Variants in MYO19 observed in about 807,000 individuals in gnomAD.
MYO19 encodes the protein myosin XIX.
MYO19 carries 132 observed loss-of-function variants against 129.2 expected under a neutral mutation model. The ratio of observed to expected loss-of-function variants is 1.02; its 90% CI spans 0.89 to 1.18. MYO19 has a LOEUF of 1.18. MYO19 is among the 50% of genes most tolerant of loss of function. The pLI, the probability that MYO19 is intolerant of heterozygous loss-of-function variation, is 0.00. For missense variants in MYO19, 1,210 were observed against 1,216.7 expected, an observed-to-expected ratio of 0.99 and a Z score of 0.08; for synonymous variants, 531 against 477.2, an observed-to-expected ratio of 1.11 and a Z score of -1.47.
At chr17:36,508,137 A>T (rs2072050605) in intron 14 of MYO19, 1 of 421,616 alleles carries the variant, frequency 2.4e-6, no homozygotes. Context: ...TCCCCTGTAG[A>T]GCTCAGAGCA....
intron 25 of MYO19, among the ~76,000 whole-genome samples, chr17:36,497,259 A>C (rs12948803): frequency 0.3 from 45,128 of 150,904 alleles, 8,256 homozygotes; most frequent in Non-Finnish European, 0.41. Context: ...AATCGCTTAA[A>C]CCCACTGCAT....
In MYO19 at chr17:36,501,231, C is replaced by A; in HGVS notation, c.2085G>T (p.Trp695Cys). The A allele has an allele frequency of 6.2e-7, 1 of 1,609,960 alleles. No homozygotes were observed. The highest frequency in any genetic ancestry group is 8.5e-7 in the Non-Finnish European group (1 of 1,177,548). ...GCGTGGCTTCCTCGCTGTGTGGACA[C>A]CATTCTGGGGGAGGGAGATGGCCCC... ...SPYPAKGLPE[W>C]CPHSEEATLE... Residue 695 changes from tryptophan (W) to cysteine (C), a missense_variant, in exon 22 of 26, where the codon TGG (tryptophan) becomes TGT (cysteine). Trp to Cys is a radical substitution (Grantham distance 215). Coordinates refer to ENST00000614623, the MANE Select transcript of MYO19 (RefSeq NM_001163735.2).
chr17:36,508,964 GC>G (rs1293418864), intron 14 of MYO19, 97 bp downstream of exon 14: 1 of 1,032,258 alleles, frequency 9.7e-7, no homozygotes, highest in Non-Finnish European at 1.5e-6. Context: ...GAAAGGAACT[GC>G]CCAGAGTCAC....
chr17:36,539,701 A>G (rs1004395151), upstream of MYO19, among the ~76,000 whole-genome samples: 3 of 152,214 alleles, frequency 2.0e-5, no homozygotes, highest in African/African-American at 7.2e-5. Context: ...TTCATCTTTT[A>G]GCCTACCCTA....
intron 6 of MYO19, among the ~76,000 whole-genome samples, chr17:36,518,510 A>G (rs1422456318): frequency 1.3e-5 from 1 of 75,476 alleles, no homozygotes; most frequent in African/African-American, 5.8e-5. Context: ...AAAAAAAAAA[A>G]AAAAAAAAAA....
intron 15 of MYO19, 135 bp downstream of exon 15, chr17:36,507,668 T>C: frequency 1.6e-6 from 2 of 1,263,302 alleles, no homozygotes; most frequent in South Asian, 3.0e-5. Context: ...ATATGTGCAA[T>C]TATTATTTGT....
chr17:36,496,155 G>A lies in MYO19; in HGVS notation c.*96C>T. The A allele has an allele frequency of 4.7e-6, 7 of 1,479,234 alleles. No homozygotes were observed. The highest frequency in any genetic ancestry group is 6.5e-6 in the Non-Finnish European group (7 of 1,076,956). The allele number at this position is 1,479,234 out of a possible 1,614,324, so 91.6% of individuals were successfully genotyped here. On this transcript the variant is annotated 3_prime_UTR_variant, in exon 26 of 26. Coordinates refer to ENST00000614623, the MANE Select transcript of MYO19 (RefSeq NM_001163735.2). The stretch of plus-strand genomic sequence containing the variant: ...TCACTGTTGTTCATGTGCATTTGGA[G>A]CACTGTGGGAATAGTCTGGCAGCTG...
chr17:36,514,627 T>G, intron 8 of MYO19, 79 bp from the exon 9 acceptor site: 1 of 956,496 alleles, frequency 1.0e-6, no homozygotes. Flanking sequence ...TGTGCCAGAT[T>G]GCCTGCTACC....
At position 36,506,678 on chromosome 17, in the gene MYO19, C is replaced by G. The variant is rs894599750; in HGVS notation, c.1645-70G>C. The G allele has an allele frequency of 2.2e-5, 33 of 1,482,942 alleles. 1 individual carries two copies. The highest frequency in any genetic ancestry group is 3.0e-5 in the Non-Finnish European group (33 of 1,114,836). 91.9% of individuals were successfully genotyped at this position (1,482,942 alleles called of 1,614,324 possible). A position where few individuals can be genotyped will look rare whatever the true frequency, so the allele number is the denominator to read the frequency against. ...CTGCTCAGGGCCATCCACTGCCCAC[C>G]CAAGCCGCAGATGACGGGGCTTCCA... On this transcript the variant is annotated intron_variant, in intron 17 of 25. Transcript: ENST00000614623.
rs981861692 is a variant in MYO19, at chr17:36,532,593, T to C, written c.-55A>G. On this transcript the variant is annotated 5_prime_UTR_variant, in exon 3 of 26. It adds an upstream start codon to the 5' untranslated region. Transcript: ENST00000614623. ...GGGTTGCAGGAGGTACAAGGAGTAC[T>C]ATCCACCTAGTCATGGGACCATGGG... The C allele has an allele frequency of 1.4e-5, 22 of 1,549,132 alleles. No homozygotes were observed. Among genetic ancestry groups the C allele is most frequent in the Non-Finnish European group, 1.7e-5 (19 of 1,144,640 alleles).
intron 17 of MYO19, 39 bp from the exon 18 acceptor site, chr17:36,506,647 G>A: frequency 6.6e-7 from 1 of 1,511,816 alleles, no homozygotes; most frequent in Non-Finnish European, 8.8e-7. Flanking sequence ...AGGGCAGGTG[G>A]AGCTTCTGCT....
At chr17:36,544,776 G>A (rs2074229499), upstream of MYO19, 1 of 154,500 alleles carries the variant, frequency 6.5e-6, no homozygotes, top group Admixed American at 6.5e-5. Context: ...GACGGCCAGG[G>A]CGGCCCCGCA....
chr17:36,538,134 C>T, upstream of MYO19: 1 of 1,614,146 alleles, frequency 6.2e-7, no homozygotes, highest in Non-Finnish European at 8.5e-7. Context: ...TTTTCTTTTA[C>T]TGGCAGCTAT....
intron 19 of MYO19, chr17:36,505,093 T>C: frequency 1.3e-6 from 1 of 754,622 alleles, no homozygotes; most frequent in Non-Finnish European, 2.4e-6. Flanking sequence ...CTTGCCTCCC[T>C]GGCTAGGCTA....
At chr17:36,507,552 T>G (rs2072002488) in intron 15 of MYO19, 40 bp from the exon 16 acceptor site, 1 of 1,590,978 alleles carries the variant, frequency 6.3e-7, no homozygotes, top group African/African-American at 1.3e-5. Context: ...AAGGCAGCTG[T>G]GGTCTGATGT....
chr17:36,503,029 A>G, intron 21 of MYO19, 68 bp downstream of exon 21: 1 of 1,352,590 alleles, frequency 7.4e-7, no homozygotes, highest in Non-Finnish European at 1.1e-6. Context: ...TAGCCCTAAG[A>G]CAGGGCACAG....
chr17:36,507,535 G>A (rs1025524320), intron 15 of MYO19, 23 bp from the exon 16 acceptor site: 1 of 1,607,410 alleles, frequency 6.2e-7, no homozygotes, highest in African/African-American at 1.3e-5. Flanking sequence ...GTGGGATGAG[G>A]TGGGAGAAGG....
rs2072461916 is a variant in MYO19 at position 36,512,885 on chromosome 17, T to A, written c.894+544A>T. 2.6e-6 allele frequency: 3 copies of A among 1,139,930 alleles called. No individual in the cohort carries two copies. In the South Asian group the frequency reaches 4.7e-5, roughly 18 times the overall value. The allele number at this position is 1,139,930 out of a possible 1,614,324, so 70.6% of individuals were successfully genotyped here. A position where few individuals can be genotyped will look rare whatever the true frequency, so the allele number is the denominator to read the frequency against. On this transcript the variant is annotated intron_variant, in intron 11 of 25. Transcript: ENST00000614623. ...GGAGCCCAGCTCACCTGGGGCAGTCTCATGTTCCAGAGGACGACGGGGCAC... is the reference window on the plus strand; with the variant it reads ...GGAGCCCAGCTCACCTGGGGCAGTCACATGTTCCAGAGGACGACGGGGCAC...
At chr17:36,500,678 G>A (rs72818340) in intron 23 of MYO19, 152 bp downstream of exon 23, 109,344 of 1,086,384 alleles carry the variant, frequency 0.1, 6,756 homozygotes, top group East Asian at 0.26. Flanking sequence ...GAGTGAGGGG[G>A]ACAGGGAATT....
Sources: allele counts gnomAD v4.1 joint callset (sites outside exome capture counted in the v4.1 genomes callset), GRCh38; gene constraint gnomAD v4.1.1; transcripts MANE v1.5; gene names NCBI Gene and HGNC (gene_info 2026-07-23, HGNC 2026-07-21).